CTNNA2: variants seen among roughly 807,000 people sequenced by gnomAD.
CTNNA2 encodes the protein catenin alpha-2.
A neutral mutation model predicts 101.0 loss-of-function variants in CTNNA2; 42 were observed. The observed-to-expected ratio is 0.42, with a 90% CI of 0.32 to 0.54. The LOEUF is 0.54. Ranked by LOEUF, CTNNA2 falls within the 20% of genes least tolerant of loss-of-function variation. The pLI is 0.14. For synonymous variants in CTNNA2, 450 were observed against 456.4 expected (o/e 0.99, Z 0.18); for missense variants, 871 against 1,223.1 (o/e 0.71, Z 4.29).
chr2:79,772,540 G>C (rs1252829444), intron 3 of CTNNA2, among the ~76,000 whole-genome samples: 1 of 152,156 alleles, frequency 6.6e-6, no homozygotes, highest in Admixed American at 6.5e-5. Context: ...GTGTTTTGTT[G>C]ACTCTCTGCC....
intron 6 of CTNNA2, among the ~76,000 whole-genome samples, chr2:79,875,524 G>C (rs979468590): frequency 6.6e-6 from 1 of 152,076 alleles, no homozygotes; most frequent in Admixed American, 6.5e-5. Flanking sequence ...GTGAATTTTT[G>C]GCAAGAAATA....
intron 3 of CTNNA2, among the ~76,000 whole-genome samples, chr2:79,812,040 A>G (rs907486273): frequency 1.3e-5 from 2 of 152,166 alleles, no homozygotes; most frequent in African/African-American, 2.4e-5. Context: ...ATAGAAATAC[A>G]ATAGTTTAGT....
intron 7 of CTNNA2, among the ~76,000 whole-genome samples, chr2:80,137,064 C>T (rs1397495210): frequency 6.6e-6 from 1 of 152,150 alleles, no homozygotes; most frequent in East Asian, 1.9e-4. Context: ...CCAGGAATTG[C>T]AACAGCTGTC....
chr2:79,821,331 C>T (rs1230561085), intron 3 of CTNNA2, among the ~76,000 whole-genome samples: 1 of 152,124 alleles, frequency 6.6e-6, no homozygotes, highest in Non-Finnish European at 1.5e-5. Context: ...GTCTCAGCCT[C>T]CCAAGTAGCT....
At chr2:79,502,185 A>G (rs1159473922) in intron 4 of CTNNA2, among the ~76,000 whole-genome samples, 2 of 152,136 alleles carry the variant, frequency 1.3e-5, no homozygotes, top group South Asian at 2.1e-4. Context: ...GAGTATTATT[A>G]GTTTTACTCA....
At chr2:79,602,470 T>C (rs756338874) in intron 1 of CTNNA2, among the ~76,000 whole-genome samples, 1 of 152,152 alleles carries the variant, frequency 6.6e-6, no homozygotes, top group Non-Finnish European at 1.5e-5. Context: ...ATGATACCCA[T>C]TATCAACTTA....
intron 7 of CTNNA2, among the ~76,000 whole-genome samples, chr2:80,180,443 G>A (rs140002043): frequency 6.6e-6 from 1 of 152,318 alleles, no homozygotes; most frequent in African/African-American, 2.4e-5. Context: ...AGCTCTACAT[G>A]AGTCAGACTA....
chr2:80,311,579 C>T (rs1203963748), intron 7 of CTNNA2, among the ~76,000 whole-genome samples: 2 of 152,164 alleles, frequency 1.3e-5, no homozygotes, highest in African/African-American at 4.8e-5. Context: ...GGACTTAATT[C>T]CTGCATCTTA....
intron 1 of CTNNA2, chr2:79,574,255 AGGTT>A (rs1675644408): frequency 1.3e-5 from 2 of 152,030 alleles, no homozygotes; most frequent in Non-Finnish European, 2.9e-5. Context: ...ATACATGTGC[AGGTT>A]TGTCCTATAA....
intron 7 of CTNNA2, among the ~76,000 whole-genome samples, chr2:79,951,161 A>G (rs1688851429): frequency 6.6e-6 from 1 of 152,222 alleles, no homozygotes; most frequent in Non-Finnish European, 1.5e-5. Flanking sequence ...ATAATTTCAC[A>G]AACAATGTAA....
intron 1 of CTNNA2, among the ~76,000 whole-genome samples, chr2:79,541,341 A>G (rs1240177114): frequency 6.7e-6 from 1 of 150,146 alleles, no homozygotes; most frequent in Non-Finnish European, 1.5e-5. Flanking sequence ...ATATATATAT[A>G]TATACACACA....
chr2:80,568,910 T>TG (rs1250786206), intron 12 of CTNNA2, among the ~76,000 whole-genome samples: 3 of 152,292 alleles, frequency 2.0e-5, no homozygotes, highest in Non-Finnish European at 4.4e-5. Flanking sequence ...AGATAATAGA[T>TG]GCTTTTTGTG....
intron 7 of CTNNA2, among the ~76,000 whole-genome samples, chr2:80,075,770 A>C (rs1161803799): frequency 7.2e-6 from 1 of 139,628 alleles, no homozygotes; most frequent in East Asian, 2.1e-4. Flanking sequence ...ACTTGTATAA[A>C]TATTATAAAA....
Position 79,631,803 on chromosome 2 carries a change from T to C in CTNNA2, c.-5-19749T>C, listed in dbSNP as rs572397913. Among the ~76,000 whole-genome samples the C allele has an allele frequency of 5.9e-5, 9 of 152,320 alleles. No homozygotes were observed. In the South Asian group the frequency reaches 1.2e-3, roughly 21 times the overall value. On this transcript the variant is annotated intron_variant, in intron 1 of 18. Coordinates refer to ENST00000402739, the MANE Select transcript of CTNNA2 (RefSeq NM_001282597.3). ...CTAAAGGACCAAACCACTTGCTCCTTCACCCCACTGCCTTACTGAAGCATG... is the reference window on the plus strand; with the variant it reads ...CTAAAGGACCAAACCACTTGCTCCTCCACCCCACTGCCTTACTGAAGCATG...
intron 7 of CTNNA2, among the ~76,000 whole-genome samples, chr2:80,387,924 T>G (rs1677162030): frequency 6.6e-6 from 1 of 152,232 alleles, no homozygotes; most frequent in Admixed American, 6.5e-5. Context: ...TAGTCCCGCC[T>G]GGCTTCGTTT....
intron 9 of CTNNA2, among the ~76,000 whole-genome samples, chr2:80,440,834 A>T (rs995446017): frequency 6.6e-6 from 1 of 152,212 alleles, no homozygotes; most frequent in African/African-American, 2.4e-5. Context: ...GAATAGACTA[A>T]GTAATCTTGT....
chr2:80,311,880 T>C (rs981714408), intron 7 of CTNNA2, among the ~76,000 whole-genome samples: 2 of 152,224 alleles, frequency 1.3e-5, no homozygotes, highest in African/African-American at 4.8e-5. Context: ...TATATTGCAT[T>C]TGACTTTAAA....
intron 2 of CTNNA2, among the ~76,000 whole-genome samples, chr2:79,293,807 G>T (rs764685327): frequency 6.6e-6 from 1 of 152,120 alleles, no homozygotes; most frequent in Non-Finnish European, 1.5e-5. Context: ...GTAAGAATTT[G>T]CTCAAATTAG....
chr2:80,401,868 G>A (rs944823273), intron 8 of CTNNA2, among the ~76,000 whole-genome samples: 15 of 151,922 alleles, frequency 9.9e-5, no homozygotes, highest in African/African-American at 2.7e-4. Flanking sequence ...AAACGTATGC[G>A]GTATGATTTT....
Sources: allele counts gnomAD v4.1 joint callset (sites outside exome capture counted in the v4.1 genomes callset), GRCh38; gene constraint gnomAD v4.1.1; transcripts MANE v1.5; gene names NCBI Gene and HGNC (gene_info 2026-07-23, HGNC 2026-07-21).